The following PRDM1 variants were observed in gnomAD, a reference collection of about 807,000 sequenced individuals.
The protein encoded by PRDM1 is PR domain zinc finger protein 1.
Under a neutral mutation model 62.8 loss-of-function variants are expected in PRDM1, and 13 were observed. That is an observed-to-expected ratio of 0.21 (90% CI 0.13 to 0.33). The LOEUF is 0.33. Among genes scored for constraint, PRDM1 ranks in the 10% least tolerant of loss-of-function variants. The pLI, the probability that PRDM1 is intolerant of heterozygous loss-of-function variation, is 1.00. For synonymous variants in PRDM1, 396 were observed against 417.6 expected (o/e 0.95, Z 0.63); for missense variants, 895 against 1,058.8 (o/e 0.85, Z 2.15).
upstream of PRDM1, among the ~76,000 whole-genome samples, chr6:106,085,974 T>C (rs1285534235): frequency 6.6e-6 from 1 of 152,102 alleles, no homozygotes; most frequent in Non-Finnish European, 1.5e-5. Flanking sequence ...TTTGTGTCTT[T>C]TGTACCTGGG....
At chr6:106,021,266 T>C (rs184821370) in intron 1 of PRDM1, among the ~76,000 whole-genome samples, 3 of 152,304 alleles carry the variant, frequency 2.0e-5, no homozygotes, top group Admixed American at 1.3e-4. Context: ...TATGTTTGGG[T>C]GGTTTCCCTT....
intron 1 of PRDM1, 179 bp from the exon 2 acceptor site, chr6:106,088,022 A>G: frequency 3.0e-6 from 1 of 329,006 alleles, no homozygotes; most frequent in East Asian, 5.1e-5. Context: ...GCATTTAAAA[A>G]CCTTGCTTCT....
chr6:106,023,899 T>C (rs182714679), intron 1 of PRDM1, among the ~76,000 whole-genome samples: 7 of 152,316 alleles, frequency 4.6e-5, no homozygotes, highest in Non-Finnish European at 7.4e-5. Flanking sequence ...CTCAGCACTT[T>C]GGGAGGCCAA....
rs11966561 is a variant in PRDM1 at position 106,017,448 on chromosome 6, T to A, written c.-67+23809T>A. On this transcript the variant is annotated intron_variant, in intron 1 of 6. Transcript: ENST00000652320. ...CACTCTTGCTCTGTGTGTGTCTGAG[T>A]CTGGGTGTGTGACTCCATTGTGAAC... 3.6e-3 allele frequency among the ~76,000 whole-genome samples: 552 copies of A among 152,284 alleles called. 1 individual carries two copies. Among genetic ancestry groups the A allele is most frequent in the African/African-American group, 0.013 (533 of 41,564 alleles).
intron 4 of PRDM1, 35 bp downstream of exon 4, chr6:106,099,587 C>A (rs1774209603): frequency 3.7e-6 from 6 of 1,608,820 alleles, no homozygotes; most frequent in Non-Finnish European, 5.1e-6. Flanking sequence ...ATAAAAAATG[C>A]CAGTAATGTC....
At chr6:106,087,728 C>G (rs1301111325) in intron 1 of PRDM1, 1 of 233,128 alleles carries the variant, frequency 4.3e-6, no homozygotes, top group African/African-American at 2.2e-5. Flanking sequence ...GCTCCTGCAC[C>G]ACACGCGCTT....
chr6:106,025,446 A>T (rs779665967), intron 1 of PRDM1, among the ~76,000 whole-genome samples: 4 of 152,246 alleles, frequency 2.6e-5, no homozygotes, highest in Non-Finnish European at 2.9e-5. Context: ...GCAATATTTT[A>T]AAAAATATTT....
intron 1 of PRDM1, among the ~76,000 whole-genome samples, chr6:106,069,994 C>T (rs1450102679): frequency 6.6e-6 from 1 of 152,078 alleles, no homozygotes; most frequent in Non-Finnish European, 1.5e-5. Flanking sequence ...CACCACTTCT[C>T]CCTCAATTTT....
At chr6:106,054,726 A>G (rs1171701476) in intron 1 of PRDM1, among the ~76,000 whole-genome samples, 4 of 152,236 alleles carry the variant, frequency 2.6e-5, no homozygotes, top group African/African-American at 4.8e-5. Flanking sequence ...TTAATCAATT[A>G]TTTAATGGTG....
Position 105,994,964 on chromosome 6 carries a change from G to A in PRDM1, c.-67+1325G>A, listed in dbSNP as rs1772329289. Among the ~76,000 whole-genome samples, 1 of 152,222 alleles carries A rather than the reference G, an allele frequency of 6.6e-6. No homozygotes were observed. The highest frequency in any genetic ancestry group is 2.4e-5 in the African/African-American group (1 of 41,458). On this transcript the variant is annotated intron_variant, in intron 1 of 6. Coordinates refer to the PRDM1 transcript ENST00000652320. This position sits in a 1 kb window ranked among gnomAD's most constrained non-coding sequence, Gnocchi z 4.1. ...TTGGCGGAGACAGAGGAAAGCCTCT[G>A]GTCGAGAGGATTAGAGCGCGCGTTT...
At chr6:106,046,055 T>C (rs1773069259), upstream of PRDM1, 3 of 151,858 alleles carry the variant, frequency 2.0e-5, no homozygotes, top group African/African-American at 7.3e-5. Context: ...ATGAAAGTAT[T>C]AGTCCTGATG....
At chr6:106,091,640 C>T (rs1255281456) in intron 2 of PRDM1, among the ~76,000 whole-genome samples, 1 of 151,994 alleles carries the variant, frequency 6.6e-6, no homozygotes, top group African/African-American at 2.4e-5. Flanking sequence ...ATTAGCCGGG[C>T]GTGGTGGTGG....
intron 1 of PRDM1, among the ~76,000 whole-genome samples, chr6:105,999,628 T>G (rs1772404261): frequency 6.6e-6 from 1 of 152,116 alleles, no homozygotes; most frequent in African/African-American, 2.4e-5. Flanking sequence ...TTCCATGCCC[T>G]CCTTGCACTG....
chr6:106,098,508 G>T, intron 3 of PRDM1: 1 of 1,225,190 alleles, frequency 8.2e-7, no homozygotes, highest in African/African-American at 1.6e-5. Context: ...ACACGCCTAT[G>T]GCTCTGTGTG....
intron 1 of PRDM1, among the ~76,000 whole-genome samples, chr6:106,058,856 C>T (rs1773303131): frequency 6.6e-6 from 1 of 152,196 alleles, no homozygotes; most frequent in South Asian, 2.1e-4. Context: ...AAGCTTGAGC[C>T]ACTGCGCCTG....
chr6:106,104,128 C>T (rs997231982), intron 4 of PRDM1, among the ~76,000 whole-genome samples: 3 of 152,122 alleles, frequency 2.0e-5, no homozygotes, highest in Non-Finnish European at 4.4e-5. Flanking sequence ...TTAGGTAAAC[C>T]ATGAACATCA....
At chr6:106,031,750 G>A (rs1277593745) in intron 1 of PRDM1, among the ~76,000 whole-genome samples, 1 of 152,160 alleles carries the variant, frequency 6.6e-6, no homozygotes, top group Non-Finnish European at 1.5e-5. Flanking sequence ...GGGAAGAGGT[G>A]CCAGGGCAAC....
chr6:106,022,027 T>C (rs1038873576), intron 1 of PRDM1, among the ~76,000 whole-genome samples: 4 of 152,220 alleles, frequency 2.6e-5, no homozygotes, highest in Admixed American at 1.3e-4. Flanking sequence ...ATCTCTGAAA[T>C]GAGAGTTACA....
chr6:106,075,562 G>T (rs746427675), intron 1 of PRDM1, among the ~76,000 whole-genome samples: 1 of 152,182 alleles, frequency 6.6e-6, no homozygotes, highest in Non-Finnish European at 1.5e-5. Context: ...GCCCTCAGGG[G>T]CTATTGTGTT....
Sources: gnomAD v4.1 joint callset for allele counts (sites outside exome capture counted in the v4.1 genomes callset) on GRCh38, gnomAD v4.1.1 for gene constraint, Gnocchi (gnomAD v3.1) non-coding constraint, MANE v1.5 for transcripts, NCBI Gene and HGNC (gene_info 2026-07-23, HGNC 2026-07-21) for gene names.